Variants in HGD observed in about 807,000 individuals in gnomAD.
HGD encodes the protein homogentisate 1,2-dioxygenase.
A neutral mutation model predicts 60.8 loss-of-function variants in HGD; 61 were observed. That is an observed-to-expected ratio of 1.00 (90% CI 0.82 to 1.24). The LOEUF is 1.24. Among genes scored for constraint, HGD ranks in the 50% most tolerant of loss-of-function variants. HGD has a pLI of 0.00. For synonymous variants in HGD, 212 were observed against 187.7 expected, an observed-to-expected ratio of 1.13 and a Z score of -1.06; for missense variants, 542 against 547.1, an observed-to-expected ratio of 0.99 and a Z score of 0.09.
At chr3:120,661,331 C>A (rs1218654930) in intron 4 of HGD, among the ~76,000 whole-genome samples, 4 of 152,190 alleles carry the variant, frequency 2.6e-5, no homozygotes, top group East Asian at 3.8e-4. Context: ...GGGACACTAA[C>A]CCTGCTTAGG....
At position 120,628,533 on chromosome 3, in the gene HGD, G is replaced by A. The variant is rs1940489783; in HGVS notation, c.1189-4C>T. ...AAGATGATTCAAACATAAATGCCTGGAGGAAGTGACGATGGGGATGAGAAA... is the reference window on the plus strand; with the variant it reads ...AAGATGATTCAAACATAAATGCCTGAAGGAAGTGACGATGGGGATGAGAAA... On this transcript the variant is annotated splice_polypyrimidine_tract_variant and splice_region_variant and intron_variant, in intron 13 of 13. Coordinates refer to ENST00000283871, the MANE Select transcript of HGD (RefSeq NM_000187.4). The A allele has an allele frequency of 1.2e-6, 2 of 1,613,970 alleles. No homozygotes were observed. Among genetic ancestry groups the A allele is most frequent in the East Asian group, 4.5e-5 (2 of 44,880 alleles).
intron 6 of HGD, among the ~76,000 whole-genome samples, chr3:120,649,492 C>T (rs1363064304): frequency 6.6e-6 from 1 of 152,078 alleles, no homozygotes; most frequent in African/African-American, 2.4e-5. Flanking sequence ...TTTGGGTACC[C>T]TGTTTGGTTT....
chr3:120,653,889 T>C (rs550961542), intron 4 of HGD, among the ~76,000 whole-genome samples: 1 of 152,286 alleles, frequency 6.6e-6, no homozygotes, highest in South Asian at 2.1e-4. Flanking sequence ...ATGCTTAGCA[T>C]CATCCATGGC....
chr3:120,666,203 C>A (rs546245166), intron 4 of HGD, among the ~76,000 whole-genome samples: 6 of 152,078 alleles, frequency 3.9e-5, no homozygotes, highest in Non-Finnish European at 8.8e-5. Flanking sequence ...GACACTGAGA[C>A]GCTATTGAAT....
intron 7 of HGD, 50 bp downstream of exon 7, chr3:120,647,827 C>A: frequency 1.4e-6 from 2 of 1,380,442 alleles, no homozygotes; most frequent in East Asian, 2.3e-5. Flanking sequence ...AAGCAGCTTG[C>A]GGTTAGGGGT....
chr3:120,652,516 C>T, intron 5 of HGD, 76 bp downstream of exon 5: 1 of 1,078,380 alleles, frequency 9.3e-7, no homozygotes, highest in Non-Finnish European at 1.4e-6. Flanking sequence ...GCTTGGCATT[C>T]AGGCTGCAAA....
intron 3 of HGD, 176 bp downstream of exon 3, chr3:120,674,725 A>T (rs1005160405): frequency 1.6e-6 from 1 of 606,970 alleles, no homozygotes; most frequent in Non-Finnish European, 3.1e-6. Flanking sequence ...TCCACCAGTC[A>T]CTTGGTGCTA....
At chr3:120,672,808 T>C (rs897047861) in intron 3 of HGD, among the ~76,000 whole-genome samples, 1 of 152,214 alleles carries the variant, frequency 6.6e-6, no homozygotes, top group African/African-American at 2.4e-5. Context: ...TGCTGGCTTA[T>C]CATGTGTTTG....
At chr3:120,678,894 T>C (rs550998930) in intron 1 of HGD, among the ~76,000 whole-genome samples, 2 of 152,338 alleles carry the variant, frequency 1.3e-5, no homozygotes, top group East Asian at 3.9e-4. Flanking sequence ...ACTCTGCTTT[T>C]ATCAGCTGCG....
At chr3:120,659,278 A>G (rs561616815) in intron 4 of HGD, among the ~76,000 whole-genome samples, 17 of 152,278 alleles carry the variant, frequency 1.1e-4, no homozygotes, top group Middle Eastern at 3.4e-3. Flanking sequence ...TTAAGTTCCA[A>G]CTTCAGGTCA....
intron 3 of HGD, among the ~76,000 whole-genome samples, chr3:120,671,359 A>G (rs1473378430): frequency 1.3e-5 from 2 of 152,202 alleles, no homozygotes; most frequent in Non-Finnish European, 2.9e-5. Context: ...GAATTAGAAA[A>G]TACAAAATAT....
At chr3:120,638,388 T>G (rs1324265487) in intron 12 of HGD, 67 bp downstream of exon 12, 1 of 1,591,122 alleles carries the variant, frequency 6.3e-7, no homozygotes, top group African/African-American at 1.3e-5. Context: ...TTATTCCCAA[T>G]GTGTAGCGCT....
In HGD at chr3:120,644,440, G is replaced by A. The variant is rs916645169; in HGVS notation, c.653C>T (p.Ala218Val). Residue 218 changes from alanine (A) to valine (V), a missense_variant, in exon 10 of 14, where the codon GCC becomes GTC. By Grantham distance (64) the Ala-to-Val change is moderately conservative. Around this residue, in one of 2 missense-constraint regions of HGD, gnomAD observed 537 missense variants for 529.1 expected, o/e 1.01. Transcript: ENST00000283871. ...FELPDLGPIG[A>V]NGLANPRDFL... ...ATCACGAGGATTGGCCAAGCCATTG[G>A]CCCCTAGAAAACAGTAACCCAAAAG... is the stretch of plus-strand genomic sequence containing the variant. 3.1e-6 allele frequency: 5 copies of A among 1,613,926 alleles called. No homozygotes were observed. In the African/African-American group the frequency reaches 5.3e-5, roughly 17 times the overall value.
At chr3:120,655,321 T>C (rs779743188) in intron 4 of HGD, among the ~76,000 whole-genome samples, 2 of 152,168 alleles carry the variant, frequency 1.3e-5, no homozygotes, top group African/African-American at 2.4e-5. Context: ...CTACATTTCA[T>C]AGTGAAGAGA....
At chr3:120,660,355 T>G (rs566879483) in intron 4 of HGD, among the ~76,000 whole-genome samples, 3 of 152,274 alleles carry the variant, frequency 2.0e-5, no homozygotes, top group African/African-American at 7.2e-5. Flanking sequence ...ATAGGAAGGA[T>G]TAAAATAAAA....
At chr3:120,635,700 C>T (rs963831943) in intron 12 of HGD, among the ~76,000 whole-genome samples, 1 of 151,696 alleles carries the variant, frequency 6.6e-6, no homozygotes, top group Admixed American at 6.6e-5. Context: ...CTCAGGGTAC[C>T]CATACCTTTA....
Position 120,654,759 on chromosome 3 carries a change from A to G in HGD, c.283-2108T>C, listed in dbSNP as rs569278348. Among the ~76,000 whole-genome samples the G allele has an allele frequency of 3.9e-5, 6 of 152,318 alleles. No homozygotes were observed. In the East Asian group the frequency reaches 1.2e-3, roughly 29 times the overall value. Reference sequence around the variant, plus strand: ...TGTTGTACTGGGACAATATCTTTGTACATCTGCCTGATGTTAAAATACCTG... The same window carrying G: ...TGTTGTACTGGGACAATATCTTTGTGCATCTGCCTGATGTTAAAATACCTG... On this transcript the variant is annotated intron_variant, in intron 4 of 13. Transcript: ENST00000283871.
intron 4 of HGD, among the ~76,000 whole-genome samples, chr3:120,664,426 C>CTTTTTTT (rs71133513): frequency 8.4e-6 from 1 of 118,820 alleles, no homozygotes; most frequent in African/African-American, 3.2e-5. Flanking sequence ...TTTTTTCTTC[C>CTTTTTTT]TTTTTTTTTT....
intron 12 of HGD, among the ~76,000 whole-genome samples, chr3:120,637,029 A>C (rs1343607978): frequency 1.3e-5 from 2 of 152,232 alleles, no homozygotes; most frequent in Non-Finnish European, 2.9e-5. Context: ...TTGACCTTTG[A>C]TTGGATTTTC....
Sources: gnomAD v4.1 joint callset for allele counts (sites outside exome capture counted in the v4.1 genomes callset) on GRCh38, gnomAD v4.1.1 for gene constraint, gnomAD v4.1.1 regional missense constraint, MANE v1.5 for transcripts, NCBI Gene and HGNC (gene_info 2026-07-23, HGNC 2026-07-21) for gene names.